The following CD9 variants were observed in gnomAD, a reference collection of about 807,000 sequenced individuals.
CD9 encodes CD9 molecule, also known as CD9 antigen.
CD9 carries 10 observed loss-of-function variants against 31.4 expected under a neutral mutation model. The observed-to-expected ratio is 0.32, with a 90% CI of 0.20 to 0.54. The LOEUF (loss-of-function observed/expected upper bound fraction) is 0.54, where lower values mean the gene tolerates loss of function less well. Ranked by LOEUF, CD9 falls within the 20% of genes least tolerant of loss-of-function variation. CD9 has a pLI of 0.94. For missense variants in CD9, 259 were observed against 300.1 expected, an observed-to-expected ratio of 0.86 and a Z score of 1.01; for synonymous variants, 113 against 114.1, an observed-to-expected ratio of 0.99 and a Z score of 0.06.
chr12:6,216,185 A>G (rs1188077720), intron 1 of CD9, among the ~76,000 whole-genome samples: 1 of 152,236 alleles, frequency 6.6e-6, no homozygotes, highest in Non-Finnish European at 1.5e-5. Flanking sequence ...CCCAGAGCCC[A>G]CAGGTCTGGG....
At chr12:6,218,641 GA>G (rs993382655) in intron 1 of CD9, among the ~76,000 whole-genome samples, 2 of 152,180 alleles carry the variant, frequency 1.3e-5, no homozygotes, top group Non-Finnish European at 2.9e-5. Flanking sequence ...ATCCTCCTTT[GA>G]AATTGGAAAT....
At chr12:6,223,286 G>C (rs1946316509) in intron 1 of CD9, among the ~76,000 whole-genome samples, 1 of 149,620 alleles carries the variant, frequency 6.7e-6, no homozygotes, top group Non-Finnish European at 1.5e-5. Context: ...TTTTGAGAGG[G>C]AGTCTCGCTC....
intron 2 of CD9, among the ~76,000 whole-genome samples, chr12:6,226,065 T>G (rs1346945828): frequency 6.6e-6 from 1 of 152,176 alleles, no homozygotes; most frequent in Non-Finnish European, 1.5e-5. Context: ...CCCCTGGTAC[T>G]GGGGTAAATG....
intron 1 of CD9, among the ~76,000 whole-genome samples, chr12:6,201,537 C>G (rs888808230): frequency 6.6e-6 from 1 of 152,246 alleles, no homozygotes; most frequent in Admixed American, 6.5e-5. Context: ...GAGACACCTG[C>G]TGCAGGCCAC....
rs997198153 is a variant in CD9, at chr12:6,237,915, GTTGT to G, written c.*94_*97del. On this transcript the variant is annotated 3_prime_UTR_variant, in exon 8 of 8. Transcript: ENST00000009180. ...GTTTGTTTTGTTTTGTTTGTTGTTT[GTTGT>G]TTGTTTTTTTGCCACTAATTTTAGT... is the stretch of plus-strand genomic sequence containing the variant. 45 of 1,067,236 alleles carry G rather than the reference GTTGT, an allele frequency of 4.2e-5. No homozygotes were observed. The African/African-American group carries it at 5.5e-4, about 13-fold the overall frequency. The allele number at this position is 1,067,236 out of a possible 1,614,324, so 66.1% of individuals were successfully genotyped here.
intron 1 of CD9, among the ~76,000 whole-genome samples, chr12:6,218,562 A>G (rs906810933): frequency 3.9e-5 from 6 of 152,202 alleles, no homozygotes; most frequent in Non-Finnish European, 7.4e-5. Flanking sequence ...GGTTTTGCAC[A>G]CTTGGCATAG....
At chr12:6,214,247 G>A (rs967539233) in intron 1 of CD9, among the ~76,000 whole-genome samples, 20 of 152,012 alleles carry the variant, frequency 1.3e-4, no homozygotes, top group Non-Finnish European at 1.0e-4. Context: ...AATGTGTCGG[G>A]GGCGTGGGTC....
At chr12:6,201,645 G>T (rs1299717197) in intron 1 of CD9, among the ~76,000 whole-genome samples, 1 of 152,254 alleles carries the variant, frequency 6.6e-6, no homozygotes, top group Non-Finnish European at 1.5e-5. Context: ...GCACACACAT[G>T]ACAATACTTG....
chr12:6,232,344 C>T lies in CD9; in HGVS notation c.176-288C>T. On this transcript the variant is annotated intron_variant, in intron 2 of 7. Coordinates refer to ENST00000009180, the MANE Select transcript of CD9 (RefSeq NM_001769.4). The surrounding 1 kb of genome is among the most constrained non-coding windows in gnomAD (Gnocchi z 4.8). ...ATGTAGGGATTCCCGTGGATATTCT[C>T]TGTCCTGGATTGAGGGCTAATGGGC... The T allele has an allele frequency of 2.0e-6, 1 of 504,622 alleles. No individual in the cohort carries two copies. The highest frequency in any genetic ancestry group is 3.6e-6 in the Non-Finnish European group (1 of 278,520). The allele number at this position is 504,622 out of a possible 1,614,324, so 31.3% of individuals were successfully genotyped here. A position where few individuals can be genotyped will look rare whatever the true frequency, so the allele number is the denominator to read the frequency against.
chr12:6,218,920 A>T (rs1946266865), intron 1 of CD9, among the ~76,000 whole-genome samples: 1 of 151,996 alleles, frequency 6.6e-6, no homozygotes, highest in Admixed American at 6.6e-5. Flanking sequence ...CAAACATAAG[A>T]GTGTTTGACT....
chr12:6,235,266 A>G lies in CD9; in HGVS notation c.386A>G (p.Tyr129Cys), dbSNP rs747232249. ...KEVQEFYKDTYNKLKTKDEPQ... is the reference protein window; with the variant it reads ...KEVQEFYKDTCNKLKTKDEPQ... ...GTCCAGGAGTTTTACAAGGACACCT[A>G]CAACAAGCTGAAAACCAAGGATGAG... Residue 129 changes from tyrosine to cysteine, a missense_variant, in exon 5 of 8, where the codon TAC (tyrosine) becomes TGC (cysteine). By Grantham distance (194) the Tyr-to-Cys change is radical. Transcript: ENST00000009180. 1.9e-6 allele frequency: 3 copies of G among 1,612,682 alleles called. No individual in the cohort carries two copies. The highest frequency in any genetic ancestry group is 1.7e-6 in the Non-Finnish European group (2 of 1,178,672).
intron 1 of CD9, among the ~76,000 whole-genome samples, chr12:6,224,485 G>A (rs1946336497): frequency 6.6e-6 from 1 of 152,168 alleles, no homozygotes; most frequent in South Asian, 2.1e-4. Context: ...AAGGAGAGGA[G>A]GAAAGGAGGA....
At chr12:6,216,198 G>A (rs1426412896) in intron 1 of CD9, among the ~76,000 whole-genome samples, 3 of 152,230 alleles carry the variant, frequency 2.0e-5, no homozygotes, top group Non-Finnish European at 4.4e-5. Flanking sequence ...GGTCTGGGTG[G>A]CCTGACTTGT....
At chr12:6,228,860 C>A (rs1946404473) in intron 2 of CD9, among the ~76,000 whole-genome samples, 1 of 152,246 alleles carries the variant, frequency 6.6e-6, no homozygotes. Context: ...GTCTGCAGAG[C>A]AACCCACAGG....
chr12:6,229,253 T>A (rs1489174461), intron 2 of CD9, among the ~76,000 whole-genome samples: 1 of 152,166 alleles, frequency 6.6e-6, no homozygotes, highest in Non-Finnish European at 1.5e-5. Flanking sequence ...ATGCCCCCCC[T>A]TCCTCGGCCA....
intron 4 of CD9, 29 bp from the exon 5 acceptor site, chr12:6,235,200 T>C (rs1946499818): frequency 2.7e-6 from 4 of 1,473,848 alleles, no homozygotes; most frequent in Non-Finnish European, 3.8e-6. Flanking sequence ...AAATGCCGTC[T>C]CTGCCCCTCT....
Position 6,238,025 on chromosome 12 carries a change from G to A in CD9, c.*197G>A. On this transcript the variant is annotated 3_prime_UTR_variant, in exon 8 of 8. Coordinates refer to ENST00000009180, the MANE Select transcript of CD9 (RefSeq NM_001769.4). ...GCTTCATTCAATATTGACATTTGTAGTTGAGCGGGGGGTTTGGTTTGCTTT... is the reference window on the plus strand; with the variant it reads ...GCTTCATTCAATATTGACATTTGTAATTGAGCGGGGGGTTTGGTTTGCTTT... The A allele has an allele frequency of 1.6e-5, 8 of 490,458 alleles. No homozygotes were observed. The South Asian group carries it at 2.0e-4, about 12-fold the overall frequency. 30.4% of individuals were successfully genotyped at this position (490,458 alleles called of 1,614,324 possible).
chr12:6,208,831 T>C (rs989230339), intron 1 of CD9, among the ~76,000 whole-genome samples: 11 of 152,198 alleles, frequency 7.2e-5, no homozygotes, highest in Non-Finnish European at 1.2e-4. Context: ...CCCAAAGTGC[T>C]GGGATTACAG....
chr12:6,219,198 G>T (rs886842088), intron 1 of CD9, among the ~76,000 whole-genome samples: 5 of 152,064 alleles, frequency 3.3e-5, no homozygotes, highest in African/African-American at 1.2e-4. Context: ...TAGAGACGGG[G>T]TTTCACCATG....
Sources: allele counts gnomAD v4.1 joint callset (sites outside exome capture counted in the v4.1 genomes callset), GRCh38; gene constraint gnomAD v4.1.1; non-coding constraint Gnocchi (gnomAD v3.1); transcripts MANE v1.5; gene names NCBI Gene and HGNC (gene_info 2026-07-23, HGNC 2026-07-21).